The following METTL8 variants were observed in gnomAD, a reference collection of about 807,000 sequenced individuals.
METTL8 encodes methyltransferase 8, tRNA N3-cytidine.
Under a neutral mutation model 48.7 loss-of-function variants are expected in METTL8, and 32 were observed. That is an observed-to-expected ratio of 0.66 (90% CI 0.50 to 0.88). The LOEUF (loss-of-function observed/expected upper bound fraction) is 0.88. METTL8 is among the 40% of genes least tolerant of loss of function. The pLI is 0.00. For synonymous variants in METTL8, 136 were observed against 157.1 expected (o/e 0.87, Z 1.01); for missense variants, 464 against 474.4 (o/e 0.98, Z 0.20).
At position 171,388,328 on chromosome 2, in the gene METTL8, A is replaced by G. The variant is rs187358549; in HGVS notation, c.143+3715T>C. Among the ~76,000 whole-genome samples the G allele has an allele frequency of 1.4e-3, 214 of 152,332 alleles. 4 individuals are homozygous for G. The East Asian group carries it at 0.015, about 11-fold the overall frequency. On this transcript the variant is annotated intron_variant, in intron 2 of 9. Transcript: ENST00000375258. ...AATATAATGTCATTTATTTATCTTC[A>G]GTGGCTCTATAATGCCTTATACTTC...
chr2:171,405,283 G>C (rs1205825427), intron 1 of METTL8, among the ~76,000 whole-genome samples: 1 of 152,024 alleles, frequency 6.6e-6, no homozygotes, highest in Non-Finnish European at 1.5e-5. Context: ...GGCTGAAGTC[G>C]AGAGGGACTG....
At chr2:171,394,585 C>G (rs1388413287) in intron 1 of METTL8, among the ~76,000 whole-genome samples, 1 of 152,128 alleles carries the variant, frequency 6.6e-6, no homozygotes, top group Non-Finnish European at 1.5e-5. Flanking sequence ...AATTTCCCTA[C>G]TTAGGCAGCT....
chr2:171,430,061 A>AT (rs768825539), intron 1 of METTL8, among the ~76,000 whole-genome samples: 134 of 150,884 alleles, frequency 8.9e-4, no homozygotes, highest in Admixed American at 1.5e-3. Flanking sequence ...AAAAAAAAAA[A>AT]GGAATTCTGC....
chr2:171,416,645 G>A (rs578191161), intron 1 of METTL8, among the ~76,000 whole-genome samples: 3 of 152,338 alleles, frequency 2.0e-5, no homozygotes, highest in Non-Finnish European at 4.4e-5. Context: ...TATTTGTACA[G>A]ATTTTATAAC....
intron 3 of METTL8, among the ~76,000 whole-genome samples, chr2:171,356,741 T>C (rs1164758654): frequency 6.6e-6 from 1 of 152,112 alleles, no homozygotes; most frequent in East Asian, 1.9e-4. Flanking sequence ...GATTTCATTC[T>C]TTTTTTATGG....
intron 5 of METTL8, among the ~76,000 whole-genome samples, chr2:171,334,994 C>G (rs1685935957): frequency 1.3e-5 from 2 of 152,126 alleles, no homozygotes; most frequent in Non-Finnish European, 2.9e-5. Flanking sequence ...ACCTTGAGAT[C>G]AGTCATAAAG....
intron 1 of METTL8, among the ~76,000 whole-genome samples, chr2:171,396,439 G>A (rs1429000038): frequency 2.6e-5 from 4 of 151,972 alleles, no homozygotes. Context: ...GGTCTACTTT[G>A]TCTGATATTA....
At chr2:171,364,180 TG>T in intron 2 of METTL8, among the ~76,000 whole-genome samples, 1 of 152,246 alleles carries the variant, frequency 6.6e-6, no homozygotes, top group East Asian at 1.9e-4. Flanking sequence ...AGATTCTAAG[TG>T]GTGAACTAAA....
chr2:171,404,809 G>A (rs1690016660), intron 1 of METTL8, among the ~76,000 whole-genome samples: 1 of 152,148 alleles, frequency 6.6e-6, no homozygotes, highest in Non-Finnish European at 1.5e-5. Flanking sequence ...GTACATTGAG[G>A]ATTGAGAACC....
intron 1 of METTL8, among the ~76,000 whole-genome samples, chr2:171,419,792 T>C (rs1292561346): frequency 6.6e-6 from 1 of 152,084 alleles, no homozygotes; most frequent in Non-Finnish European, 1.5e-5. Flanking sequence ...CTCTGTGCTG[T>C]ACATAACACA....
At chr2:171,393,709 T>C (rs1268469252) in intron 1 of METTL8, among the ~76,000 whole-genome samples, 2 of 152,202 alleles carry the variant, frequency 1.3e-5, no homozygotes, top group African/African-American at 4.8e-5. Flanking sequence ...CTAAAAGGTG[T>C]GTGTATGTAA....
At chr2:171,335,040 G>A (rs1301382306) in intron 5 of METTL8, among the ~76,000 whole-genome samples, 5 of 152,180 alleles carry the variant, frequency 3.3e-5, no homozygotes, top group Non-Finnish European at 5.9e-5. Flanking sequence ...GTGTATTTAC[G>A]TGTATTATAA....
chr2:171,371,986 C>G (rs954130409), intron 2 of METTL8, among the ~76,000 whole-genome samples: 1 of 152,008 alleles, frequency 6.6e-6, no homozygotes, highest in Admixed American at 6.6e-5. Context: ...AGCCACAACA[C>G]CAGCCTGAGT....
intron 3 of METTL8, among the ~76,000 whole-genome samples, chr2:171,345,510 A>G (rs536389400): frequency 5.9e-5 from 9 of 152,348 alleles, no homozygotes; most frequent in African/African-American, 2.2e-4. Context: ...AATTAAAAGT[A>G]TGTTTCTAAG....
In METTL8 at chr2:171,375,459, T is replaced by A. The variant is rs184777915; in HGVS notation, c.144-14946A>T. Among the ~76,000 whole-genome samples the A allele has an allele frequency of 5.7e-3, 875 of 152,308 alleles. 12 individuals carry two copies. The highest frequency in any genetic ancestry group is 7.0e-3 in the Non-Finnish European group (475 of 68,026). On this transcript the variant is annotated intron_variant, in intron 2 of 9. Coordinates refer to ENST00000375258, the MANE Select transcript of METTL8 (RefSeq NM_001321154.2). ...GTATGAAAGTTCCAGTTCCTCTACA[T>A]CCTTATCAACACTTGGTAAGCTCAG...
At chr2:171,421,219 TACAA>T (rs1014451361) in intron 1 of METTL8, among the ~76,000 whole-genome samples, 1 of 152,136 alleles carries the variant, frequency 6.6e-6, no homozygotes, top group African/African-American at 2.4e-5. Flanking sequence ...AAGATCAATA[TACAA>T]ACAGACAATT....
chr2:171,360,545 T>G, intron 2 of METTL8, 32 bp from the exon 3 acceptor site: 2 of 1,580,790 alleles, frequency 1.3e-6, no homozygotes, highest in Non-Finnish European at 1.7e-6. Context: ...TAAAATATGC[T>G]TTATCATTGA....
intron 1 of METTL8, among the ~76,000 whole-genome samples, chr2:171,402,704 G>A (rs557010223): frequency 5.3e-5 from 8 of 152,170 alleles, no homozygotes; most frequent in Non-Finnish European, 7.4e-5. Flanking sequence ...CCAGATCTTC[G>A]TTTCTAACCA....
chr2:171,432,639 G>A (rs766747678), intron 1 of METTL8, among the ~76,000 whole-genome samples: 18 of 152,148 alleles, frequency 1.2e-4, no homozygotes, highest in Non-Finnish European at 2.5e-4. Context: ...GCACTCTACC[G>A]TATGCTGTAA....
Sources: gnomAD v4.1 joint callset for allele counts (sites outside exome capture counted in the v4.1 genomes callset) on GRCh38, gnomAD v4.1.1 for gene constraint, MANE v1.5 for transcripts, NCBI Gene and HGNC (gene_info 2026-07-23, HGNC 2026-07-21) for gene names.